The following RSU1 variants were observed in gnomAD, a reference collection of about 807,000 sequenced individuals.
The protein encoded by RSU1 is Ras suppressor protein 1.
RSU1 carries 26 observed loss-of-function variants against 31.1 expected under a neutral mutation model. The observed-to-expected ratio is 0.84, with a 90% confidence interval of 0.61 to 1.16. The LOEUF (loss-of-function observed/expected upper bound fraction) is 1.16. Among genes scored for constraint, RSU1 ranks in the 50% most tolerant of loss-of-function variants. RSU1 has a pLI of 0.00. For missense variants in RSU1, 320 were observed against 339.1 expected (o/e 0.94, Z 0.44); for synonymous variants, 164 against 136.3 (o/e 1.20, Z -1.41).
intron 8 of RSU1, among the ~76,000 whole-genome samples, chr10:16,617,872 T>TA (rs1834004864): frequency 6.6e-6 from 1 of 152,142 alleles, no homozygotes; most frequent in Admixed American, 6.5e-5. Flanking sequence ...CCCAAAACCA[T>TA]AAAATCCCTA....
At chr10:16,605,715 C>T (rs1169746863) in intron 8 of RSU1, among the ~76,000 whole-genome samples, 6 of 152,174 alleles carry the variant, frequency 3.9e-5, no homozygotes, top group Non-Finnish European at 7.4e-5. Flanking sequence ...CAAGTGTTCC[C>T]GTCTTTGGGG....
intron 2 of RSU1, among the ~76,000 whole-genome samples, chr10:16,782,366 G>A (rs1002549706): frequency 2.6e-5 from 4 of 152,148 alleles, no homozygotes; most frequent in Admixed American, 2.0e-4. Flanking sequence ...TCTGCGTGGC[G>A]CCCCGACCTG....
intron 3 of RSU1, among the ~76,000 whole-genome samples, chr10:16,766,510 T>C (rs956929231): frequency 6.6e-6 from 1 of 151,688 alleles, no homozygotes; most frequent in Non-Finnish European, 1.5e-5. Flanking sequence ...AGGTCAGGAG[T>C]TCAAGACTAG....
intron 7 of RSU1, among the ~76,000 whole-genome samples, chr10:16,700,365 T>C (rs1241074049): frequency 1.3e-5 from 2 of 152,126 alleles, no homozygotes; most frequent in Non-Finnish European, 2.9e-5. Flanking sequence ...GCTGATTGGG[T>C]ATAGCCCATC....
chr10:16,804,041 G>T (rs1838215726), intron 2 of RSU1, among the ~76,000 whole-genome samples: 1 of 152,090 alleles, frequency 6.6e-6, no homozygotes, highest in Non-Finnish European at 1.5e-5. Flanking sequence ...TGAAAGACCA[G>T]CGCCAACAAG....
At chr10:16,702,148 C>T (rs762874021) in intron 7 of RSU1, among the ~76,000 whole-genome samples, 9 of 152,298 alleles carry the variant, frequency 5.9e-5, no homozygotes, top group African/African-American at 1.7e-4. Context: ...GAATTGAAGA[C>T]GGGAAGCCTC....
Position 16,762,163 on chromosome 10 carries a change from CATAGA to C in RSU1, c.281+2222_281+2226del, listed in dbSNP as rs1409514984. ...TCCCCGGTACTAGGAAGATTCCTGACATAGAATAGTCACTTACATAGTCATGGAAT... is the reference window on the plus strand; with the variant it reads ...TCCCCGGTACTAGGAAGATTCCTGACATAGTCACTTACATAGTCATGGAAT... On this transcript the variant is annotated intron_variant, in intron 4 of 8. Coordinates refer to ENST00000345264, the MANE Select transcript of RSU1 (RefSeq NM_012425.4). Among the ~76,000 whole-genome samples, 9 of 152,142 alleles carry C rather than the reference CATAGA, an allele frequency of 5.9e-5. No homozygotes were observed. The East Asian group carries it at 1.7e-3, about 29-fold the overall frequency.
intron 7 of RSU1, among the ~76,000 whole-genome samples, chr10:16,738,666 A>G (rs991761868): frequency 4.6e-5 from 7 of 152,184 alleles, no homozygotes; most frequent in African/African-American, 1.7e-4. Flanking sequence ...AAATGGGGAC[A>G]ATACAGACTA....
At chr10:16,722,938 AC>A (rs1836305722) in intron 7 of RSU1, 1 of 150,202 alleles carries the variant, frequency 6.7e-6, no homozygotes. Flanking sequence ...ACACACATAT[AC>A]ATATATGTAT....
In RSU1 at chr10:16,592,742, A is replaced by C. The variant is rs372225546; in HGVS notation, c.*652T>G. 20 of 152,362 alleles carry C rather than the reference A, an allele frequency of 1.3e-4. No individual in the cohort carries two copies. The highest frequency in any genetic ancestry group is 2.9e-4 in the African/African-American group (12 of 41,584). The allele number at this position is 152,362 out of a possible 1,614,324, so 9.4% of individuals were successfully genotyped here. Reference sequence around the variant, plus strand: ...AAGAAAAAAAAAACTTGACAAATTAATGTGAGAAGAAACGAACTGTGATTT... The same window carrying C: ...AAGAAAAAAAAAACTTGACAAATTACTGTGAGAAGAAACGAACTGTGATTT... On this transcript the variant is annotated 3_prime_UTR_variant, in exon 9 of 9. Transcript: ENST00000345264.
chr10:16,785,909 G>A (rs993652478), intron 2 of RSU1, among the ~76,000 whole-genome samples: 4 of 152,156 alleles, frequency 2.6e-5, no homozygotes, highest in Admixed American at 6.5e-5. Flanking sequence ...TCAATATCCT[G>A]TTCCTCACCA....
At chr10:16,733,027 C>T (rs1836546682) in intron 7 of RSU1, among the ~76,000 whole-genome samples, 1 of 151,992 alleles carries the variant, frequency 6.6e-6, no homozygotes, top group African/African-American at 2.4e-5. Context: ...CTCCAGCTCA[C>T]AGAAATATCT....
intron 3 of RSU1, among the ~76,000 whole-genome samples, chr10:16,779,032 C>G (rs1419142548): frequency 6.6e-6 from 1 of 152,152 alleles, no homozygotes; most frequent in Admixed American, 6.6e-5. Flanking sequence ...TAGTACCTGC[C>G]CATTCATAGC....
At chr10:16,742,082 A>T (rs886980351) in intron 7 of RSU1, among the ~76,000 whole-genome samples, 2 of 152,204 alleles carry the variant, frequency 1.3e-5, no homozygotes, top group Non-Finnish European at 2.9e-5. Context: ...TTTTTAAAAC[A>T]GCAAATATAA....
At chr10:16,621,498 G>A (rs1430628753) in intron 8 of RSU1, among the ~76,000 whole-genome samples, 2 of 152,110 alleles carry the variant, frequency 1.3e-5, no homozygotes, top group Non-Finnish European at 1.5e-5. Context: ...CAATTTTAAT[G>A]ACTGTATTAG....
chr10:16,689,788 G>C (rs922560109), intron 8 of RSU1, among the ~76,000 whole-genome samples: 7 of 152,162 alleles, frequency 4.6e-5, no homozygotes, highest in Non-Finnish European at 8.8e-5. Flanking sequence ...ACAAATGAGT[G>C]GGGAACTTTT....
chr10:16,800,486 G>T (rs897485862), intron 2 of RSU1, among the ~76,000 whole-genome samples: 4 of 152,156 alleles, frequency 2.6e-5, no homozygotes, highest in African/African-American at 9.7e-5. Context: ...TACAGTCAAG[G>T]AAAGAATCAG....
At chr10:16,800,514 C>A (rs1262023894) in intron 2 of RSU1, among the ~76,000 whole-genome samples, 3 of 152,098 alleles carry the variant, frequency 2.0e-5, no homozygotes, top group Non-Finnish European at 2.9e-5. Context: ...GAAGACATGT[C>A]AACAGAAACT....
intron 8 of RSU1, among the ~76,000 whole-genome samples, chr10:16,663,184 C>G (rs530046238): frequency 5.3e-5 from 8 of 152,024 alleles, no homozygotes; most frequent in Admixed American, 2.0e-4. Context: ...TGGTTAGGAT[C>G]GTTCTGAAAA....
Sources: allele counts gnomAD v4.1 joint callset (sites outside exome capture counted in the v4.1 genomes callset), GRCh38; gene constraint gnomAD v4.1.1; transcripts MANE v1.5; gene names NCBI Gene and HGNC (gene_info 2026-07-23, HGNC 2026-07-21).